The following MESD variants were observed in gnomAD, a reference collection of about 807,000 sequenced individuals.
MESD encodes mesoderm development LRP chaperone, also known as LRP chaperone MESD.
Under a neutral mutation model 12.9 loss-of-function variants are expected in MESD, and 7 were observed. That is an observed-to-expected ratio of 0.54 (90% CI 0.31 to 1.02). The LOEUF (loss-of-function observed/expected upper bound fraction) is 1.02. Ranked by LOEUF, MESD falls within the 50% of genes least tolerant of loss-of-function variation. The probability of loss-of-function intolerance (pLI) is 0.05; values close to 1 mark genes in which losing one functional copy is unlikely to be tolerated. For synonymous variants in MESD, 126 were observed against 115.6 expected (o/e 1.09, Z -0.58); for missense variants, 342 against 296.7 (o/e 1.15, Z -1.12).
At chr15:80,979,572 T>C (rs1902518709) in intron 2 of MESD, 95 bp from the exon 3 acceptor site, 3 of 1,410,492 alleles carry the variant, frequency 2.1e-6, no homozygotes. Context: ...TTATTTCAAA[T>C]TCTACATGAA....
chr15:80,954,439 G>C (rs1901922897), intron 3 of MESD, among the ~76,000 whole-genome samples: 1 of 152,234 alleles, frequency 6.6e-6, no homozygotes, highest in African/African-American at 2.4e-5. Flanking sequence ...GTTTTAGCCT[G>C]GGGGCTAGGT....
chr15:80,988,155 C>T (rs1902784532), intron 1 of MESD, among the ~76,000 whole-genome samples: 1 of 152,268 alleles, frequency 6.6e-6, no homozygotes, highest in Middle Eastern at 3.4e-3. Context: ...CTCTAAAAGT[C>T]GCGAAAGAAT....
intron 1 of MESD, among the ~76,000 whole-genome samples, chr15:80,983,030 C>A (rs1471983069): frequency 1.3e-5 from 2 of 152,002 alleles, no homozygotes; most frequent in Non-Finnish European, 2.9e-5. Flanking sequence ...TTGCTTGAGC[C>A]CAGGAATTTG....
rs76058066 is a variant in MESD at position 80,989,087 on chromosome 15, G to C, written c.213+492C>G. Among the ~76,000 whole-genome samples, 14 of 152,242 alleles carry C rather than the reference G, an allele frequency of 9.2e-5. No individual in the cohort carries two copies. In the East Asian group the frequency reaches 2.5e-3, roughly 27 times the overall value. On this transcript the variant is annotated intron_variant, in intron 1 of 2. Coordinates refer to ENST00000261758, the MANE Select transcript of MESD (RefSeq NM_015154.3). ...GCAGGGACATATACCAAAATAGGAAGTCTAAAATTATACTGATTTAGAAGA... is the reference window on the plus strand; with the variant it reads ...GCAGGGACATATACCAAAATAGGAACTCTAAAATTATACTGATTTAGAAGA...
downstream of MESD, chr15:80,946,971 A>T (rs773562977): frequency 6.2e-7 from 1 of 1,611,098 alleles, no homozygotes; most frequent in Non-Finnish European, 8.5e-7. Context: ...ACAGTTCCAT[A>T]GTGCTTATGG....
intron 1 of MESD, 52 bp from the exon 2 acceptor site, chr15:80,982,234 A>G (rs749392980): frequency 6.6e-7 from 1 of 1,506,852 alleles, no homozygotes; most frequent in Non-Finnish European, 9.2e-7. Flanking sequence ...CTTGCTTTTC[A>G]ACTGGCACAG....
downstream of MESD, chr15:80,946,573 G>T: frequency 1.4e-5 from 3 of 220,824 alleles, no homozygotes; most frequent in South Asian, 1.5e-4. Context: ...TTTCTATCTG[G>T]TCTTACCTAA....
intron 1 of MESD, among the ~76,000 whole-genome samples, chr15:80,988,818 AC>A (rs1453966708): frequency 1.3e-5 from 2 of 152,224 alleles, no homozygotes; most frequent in Non-Finnish European, 2.9e-5. Flanking sequence ...ATGCAAGTCA[AC>A]CAGGACGATA....
At chr15:80,984,895 G>A (rs1902688135) in intron 1 of MESD, among the ~76,000 whole-genome samples, 1 of 152,110 alleles carries the variant, frequency 6.6e-6, no homozygotes, top group South Asian at 2.1e-4. Context: ...AAGTAAAAAC[G>A]AAAGAATTCT....
At chr15:80,953,221 A>C (rs1901886815) in intron 3 of MESD, among the ~76,000 whole-genome samples, 1 of 152,118 alleles carries the variant, frequency 6.6e-6, no homozygotes, top group Non-Finnish European at 1.5e-5. Flanking sequence ...GCTGTGATGA[A>C]AGAGGGTGGG....
chr15:80,983,850 T>C (rs1311814001), intron 1 of MESD, among the ~76,000 whole-genome samples: 3 of 148,858 alleles, frequency 2.0e-5, no homozygotes, highest in Non-Finnish European at 3.0e-5. Flanking sequence ...GTTGAACCCA[T>C]AATGATCAAA....
downstream of MESD, chr15:80,947,071 G>A (rs377570884): frequency 3.0e-4 from 485 of 1,594,286 alleles, no homozygotes; most frequent in South Asian, 3.4e-3. Context: ...GAAAGGTAAG[G>A]GTTTGAACTG....
At chr15:80,951,057 A>C (rs1291705784) in intron 4 of MESD, 1 of 152,670 alleles carries the variant, frequency 6.6e-6, no homozygotes, top group Non-Finnish European at 1.5e-5. Context: ...TTCAAAGGCC[A>C]GAGTCACAGG....
intron 3 of MESD, among the ~76,000 whole-genome samples, chr15:80,963,568 C>T (rs776610196): frequency 7.2e-5 from 11 of 152,096 alleles, no homozygotes; most frequent in Non-Finnish European, 1.5e-4. Flanking sequence ...AAGATCAATG[C>T]GAAAATCCTC....
At chr15:80,959,339 C>T (rs1004714465) in intron 3 of MESD, among the ~76,000 whole-genome samples, 1 of 152,194 alleles carries the variant, frequency 6.6e-6, no homozygotes, top group Non-Finnish European at 1.5e-5. Flanking sequence ...TGCATTCACT[C>T]CTTTTGGCTG....
chr15:80,947,139 C>A, downstream of MESD: 2 of 942,700 alleles, frequency 2.1e-6, no homozygotes, highest in South Asian at 1.4e-5. Context: ...AGGGTGCTGT[C>A]ATCTTTTGCT....
intron 3 of MESD, among the ~76,000 whole-genome samples, chr15:80,968,825 C>T (rs551480823): frequency 2.0e-5 from 3 of 152,148 alleles, no homozygotes; most frequent in Non-Finnish European, 4.4e-5. Context: ...GCTGGGAAGT[C>T]CAACACCAGA....
At chr15:80,951,503 T>C (rs999449610) in intron 4 of MESD, 4 of 152,678 alleles carry the variant, frequency 2.6e-5, no homozygotes, top group Non-Finnish European at 5.9e-5. Context: ...GTTGCCGAAA[T>C]AGCTGGTCCT....
intron 3 of MESD, among the ~76,000 whole-genome samples, chr15:80,957,435 G>A (rs1419224927): frequency 6.6e-6 from 1 of 152,158 alleles, no homozygotes; most frequent in Non-Finnish European, 1.5e-5. Flanking sequence ...GTTCTGCCAA[G>A]AAAATAAAAT....
Sources: gnomAD v4.1 joint callset for allele counts (sites outside exome capture counted in the v4.1 genomes callset) on GRCh38, gnomAD v4.1.1 for gene constraint, MANE v1.5 for transcripts, NCBI Gene and HGNC (gene_info 2026-07-23, HGNC 2026-07-21) for gene names.